GALC: variants seen among roughly 807,000 people sequenced by gnomAD.
The protein encoded by GALC is galactocerebrosidase.
GALC carries 77 observed loss-of-function variants against 91.8 expected under a neutral mutation model. That is an observed-to-expected ratio of 0.84 (90% CI 0.70 to 1.01). The LOEUF (loss-of-function observed/expected upper bound fraction) is 1.01, where lower values mean the gene tolerates loss of function less well. Among genes scored for constraint, GALC ranks in the 50% least tolerant of loss-of-function variants. The pLI is 0.00. For missense variants in GALC, 882 were observed against 855.9 expected (o/e 1.03, Z -0.38); for synonymous variants, 357 against 306.7 (o/e 1.16, Z -1.71).
intron 10 of GALC, chr14:87,953,206 G>A: frequency 1.3e-6 from 2 of 1,500,802 alleles, no homozygotes; most frequent in Non-Finnish European, 1.8e-6. Context: ...AATGTCAACT[G>A]ATACGGAATT....
At chr14:87,961,834 G>A (rs1885819092) in intron 10 of GALC, among the ~76,000 whole-genome samples, 1 of 152,144 alleles carries the variant, frequency 6.6e-6, no homozygotes, top group African/African-American at 2.4e-5. Context: ...CTGGATCTCT[G>A]CCTGAAGTAC....
chr14:87,963,297 C>G (rs1885887503), intron 10 of GALC, 87 bp downstream of exon 10: 7 of 1,384,884 alleles, frequency 5.1e-6, no homozygotes, highest in Non-Finnish European at 7.2e-6. Flanking sequence ...TATGTATTTA[C>G]ATGTAAAACA....
chr14:87,934,971 G>C, intron 16 of GALC, 93 bp from the exon 17 acceptor site: 3 of 869,446 alleles, frequency 3.5e-6, no homozygotes, highest in Non-Finnish European at 5.8e-6. Context: ...ACTTAGTGGA[G>C]CAAATGTACT....
rs867989673 is a variant in GALC, at chr14:87,983,688, C to T, written c.582+706G>A. On this transcript the variant is annotated intron_variant, in intron 5 of 16. Transcript: ENST00000261304. ...GACCCACTATGTGTGTGTTAAGGCC[C>T]TGTGGGGTACGATGCAGCCTGGGGC... is the stretch of plus-strand genomic sequence containing the variant. Among the ~76,000 whole-genome samples the T allele has an allele frequency of 1.2e-4, 19 of 152,236 alleles. No individual in the cohort carries two copies. In the South Asian group the frequency reaches 3.3e-3, roughly 27 times the overall value.
At chr14:87,983,800 G>A (rs1886850828) in intron 5 of GALC, among the ~76,000 whole-genome samples, 1 of 152,144 alleles carries the variant, frequency 6.6e-6, no homozygotes, top group South Asian at 2.1e-4. Flanking sequence ...CTAACAGTTT[G>A]TGACAGGTGA....
chr14:87,970,918 A>G (rs913265895), intron 7 of GALC, among the ~76,000 whole-genome samples: 16 of 151,844 alleles, frequency 1.1e-4, no homozygotes, highest in Middle Eastern at 6.8e-3. Context: ...TTTAATGTAT[A>G]TAAGTAGGCA....
chr14:87,987,325 A>G (rs1214141278), intron 3 of GALC, among the ~76,000 whole-genome samples: 3 of 152,206 alleles, frequency 2.0e-5, no homozygotes, highest in Non-Finnish European at 4.4e-5. Flanking sequence ...ATGTACCTCT[A>G]CCTCTAATTT....
rs140879339 is a variant in GALC, at chr14:87,953,630, G to C, written c.1162-2882C>G. The C allele has an allele frequency of 1.3e-4, 203 of 1,609,778 alleles. 2 individuals carry two copies. In the East Asian group the frequency reaches 4.3e-3, roughly 34 times the overall value. ...CACAAAAGTGCTATTAAAAGAAGCT[G>C]CACCTCTGAAGATAAAGTGGGCCAG... is the stretch of plus-strand genomic sequence containing the variant. On this transcript the variant is annotated intron_variant, in intron 10 of 16. Transcript: ENST00000261304.
rs766310671 is a variant in GALC at position 87,976,452 on chromosome 14, G to A, written c.658C>T (p.Arg220Ter). ...RKMLNYQGLQ[R>*]VKIIASDNLW... ...TTATCACTTGCTATGATTTTCACTC[G>A]CTGGAGACCTTGATAATTCAGCATT... Residue 220 changes from arginine (R) to a stop codon, truncating the protein, a stop_gained, in exon 7 of 17, where the codon CGA (arginine) becomes TGA (stop). Transcript: ENST00000261304. LOFTEE classifies it high-confidence loss of function. 12 of 1,612,804 alleles carry A rather than the reference G, an allele frequency of 7.4e-6. No homozygotes were observed. Among genetic ancestry groups the A allele is most frequent in the East Asian group, 2.2e-5 (1 of 44,868 alleles).
At chr14:87,976,672 T>C (rs1410072520) in intron 6 of GALC, 184 bp from the exon 7 acceptor site, 3 of 532,858 alleles carry the variant, frequency 5.6e-6, no homozygotes, top group Non-Finnish European at 1.0e-5. Context: ...TGGAGTGCAG[T>C]GGCAGGATCT....
chr14:87,946,620 C>CAGA (rs77867978), intron 13 of GALC, among the ~76,000 whole-genome samples: 145,382 of 151,880 alleles, frequency 0.96, 69,874 homozygotes, highest in Non-Finnish European at 1. Flanking sequence ...TTGGTGCTGG[C>CAGA]AGTTCTTCAA....
intron 4 of GALC, among the ~76,000 whole-genome samples, chr14:87,985,812 C>T (rs928401229): frequency 6.6e-6 from 1 of 152,210 alleles, no homozygotes; most frequent in African/African-American, 2.4e-5. Flanking sequence ...GCTCTGTACA[C>T]ATTCTCACAG....
At position 87,934,366 on chromosome 14, in the gene GALC, T is replaced by C. The variant is rs1884480659; in HGVS notation, c.*366A>G. On this transcript the variant is annotated 3_prime_UTR_variant, in exon 17 of 17. Coordinates refer to ENST00000261304, the MANE Select transcript of GALC (RefSeq NM_000153.4). ...AGCATGCATAAATACATCTCAGTGA[T>C]GATCAAGTTACTGCCATCTACAGGA... 1 of 1,266,630 alleles carries C rather than the reference T, an allele frequency of 7.9e-7. No homozygotes were observed. Among genetic ancestry groups the C allele is most frequent in the Non-Finnish European group, 1.0e-6 (1 of 997,710 alleles). The allele number at this position is 1,266,630 out of a possible 1,614,324, so 78.5% of individuals were successfully genotyped here.
intron 1 of GALC, chr14:87,992,724 T>C: frequency 1.4e-6 from 2 of 1,425,064 alleles, no homozygotes; most frequent in Non-Finnish European, 9.1e-7. Flanking sequence ...GCACCTATAC[T>C]CTCTGGACCT....
At chr14:87,966,485 C>T (rs1336730647) in intron 8 of GALC, among the ~76,000 whole-genome samples, 2 of 150,934 alleles carry the variant, frequency 1.3e-5, no homozygotes, top group Admixed American at 1.3e-4. Context: ...TTTTTCCTAT[C>T]AAGTCCTCAT....
At chr14:87,954,921 T>C in intron 10 of GALC, 1 of 1,545,432 alleles carries the variant, frequency 6.5e-7, no homozygotes. Context: ...ATGGAAGACA[T>C]GATGTTTACA....
At chr14:87,982,287 A>C (rs182895213) in intron 5 of GALC, 44 bp from the exon 6 acceptor site, 608 of 1,312,444 alleles carry the variant, frequency 4.6e-4, no homozygotes, top group Non-Finnish European at 5.7e-4. Flanking sequence ...AAAGTTACAA[A>C]ATGTCAGAAA....
intron 16 of GALC, 136 bp from the exon 17 acceptor site, chr14:87,935,014 A>C: frequency 1.5e-6 from 1 of 669,606 alleles, no homozygotes; most frequent in Non-Finnish European, 2.6e-6. Flanking sequence ...GCAAAACACA[A>C]TTCCACAAGT....
chr14:87,972,920 T>A (rs976783928), intron 7 of GALC, among the ~76,000 whole-genome samples: 2 of 152,078 alleles, frequency 1.3e-5, no homozygotes, highest in Non-Finnish European at 2.9e-5. Context: ...AATACTTAAA[T>A]ATAGACATTA....
Sources: gnomAD v4.1 joint callset for allele counts (sites outside exome capture counted in the v4.1 genomes callset) on GRCh38, gnomAD v4.1.1 for gene constraint, MANE v1.5 for transcripts, NCBI Gene and HGNC (gene_info 2026-07-23, HGNC 2026-07-21) for gene names.